The following ULK4 variants were observed in gnomAD, a reference collection of about 807,000 sequenced individuals.
ULK4 encodes inactive serine/threonine-protein kinase ULK4.
Under a neutral mutation model 160.6 loss-of-function variants are expected in ULK4, and 133 were observed. That is an observed-to-expected ratio of 0.83 (90% CI 0.72 to 0.96). The LOEUF (loss-of-function observed/expected upper bound fraction) is 0.96, where lower values mean the gene tolerates loss of function less well. ULK4 is among the 40% of genes least tolerant of loss of function. The pLI is 0.00. For synonymous variants in ULK4, 534 were observed against 539.8 expected, an observed-to-expected ratio of 0.99 and a Z score of 0.15; for missense variants, 1,580 against 1,499.5, an observed-to-expected ratio of 1.05 and a Z score of -0.89.
At chr3:41,752,862 C>T (rs546352954) in intron 22 of ULK4, among the ~76,000 whole-genome samples, 1 of 152,228 alleles carries the variant, frequency 6.6e-6, no homozygotes, top group East Asian at 1.9e-4. Flanking sequence ...CCCTAACAGA[C>T]CTGTATTACA....
At chr3:41,515,589 A>C (rs372909090) in intron 32 of ULK4, among the ~76,000 whole-genome samples, 3 of 152,200 alleles carry the variant, frequency 2.0e-5, no homozygotes, top group African/African-American at 7.2e-5. Flanking sequence ...TCCAATCATG[A>C]CAGAATGGGA....
Position 41,804,539 on chromosome 3 carries a change from A to G in ULK4, c.1849-4246T>C, listed in dbSNP as rs915535479. 5.4e-4 allele frequency among the ~76,000 whole-genome samples: 82 copies of G among 151,218 alleles called. 1 individual carries two copies. The highest frequency in any genetic ancestry group is 1.7e-3 in the African/African-American group (70 of 41,258). On this transcript the variant is annotated intron_variant, in intron 19 of 36. Transcript: ENST00000301831. ...TTGTTGCCATTGCTTTTGGTGTTTTAGACATGAAGTCCTTGCCCATGCCTA... is the reference window on the plus strand; with the variant it reads ...TTGTTGCCATTGCTTTTGGTGTTTTGGACATGAAGTCCTTGCCCATGCCTA...
intron 35 of ULK4, among the ~76,000 whole-genome samples, chr3:41,368,161 C>T (rs1399432721): frequency 6.6e-6 from 1 of 151,960 alleles, no homozygotes; most frequent in Non-Finnish European, 1.5e-5. Flanking sequence ...CATTCTCCTG[C>T]CTCAGCCTCC....
intron 27 of ULK4, among the ~76,000 whole-genome samples, chr3:41,698,378 C>CA (rs1559492719): frequency 1.3e-5 from 2 of 152,140 alleles, no homozygotes. Flanking sequence ...TCTCCCACCT[C>CA]AGCCTCCCAA....
At chr3:41,448,767 G>T in intron 34 of ULK4, among the ~76,000 whole-genome samples, 1 of 152,294 alleles carries the variant, frequency 6.6e-6, no homozygotes. Flanking sequence ...TTGATGAAAC[G>T]GGGCAGGATG....
chr3:41,506,769 T>TATATATATAAATATATATATAA (rs1559658060), intron 32 of ULK4, among the ~76,000 whole-genome samples: 1 of 31,616 alleles, frequency 3.2e-5, no homozygotes, highest in Non-Finnish European at 5.3e-5. Flanking sequence ...TGATTTAAAA[T>TATATATATAAATATATATATAA]ATATATATAT....
At chr3:41,509,718 C>A (rs139099794) in intron 32 of ULK4, among the ~76,000 whole-genome samples, 3 of 152,148 alleles carry the variant, frequency 2.0e-5, no homozygotes, top group African/African-American at 7.2e-5. Context: ...TTGTATCTGG[C>A]GAAACTAAGC....
intron 19 of ULK4, 86 bp downstream of exon 19, chr3:41,819,337 C>A: frequency 7.7e-7 from 1 of 1,291,758 alleles, no homozygotes; most frequent in Non-Finnish European, 1.1e-6. Context: ...CAAGCTCCTG[C>A]ACTGCTGCAG....
At chr3:41,294,787 G>GA (rs749273527) in intron 35 of ULK4, among the ~76,000 whole-genome samples, 1 of 152,068 alleles carries the variant, frequency 6.6e-6, no homozygotes. Context: ...TCTGATGAAT[G>GA]AAATTTAAAA....
chr3:41,775,617 T>G (rs1391812960), intron 21 of ULK4, among the ~76,000 whole-genome samples: 2 of 150,594 alleles, frequency 1.3e-5, no homozygotes, highest in Admixed American at 1.3e-4. Context: ...CAGGCTGGTC[T>G]TGAACTCCTG....
At chr3:41,710,924 A>G (rs2037074226) in intron 25 of ULK4, among the ~76,000 whole-genome samples, 1 of 152,138 alleles carries the variant, frequency 6.6e-6, no homozygotes, top group Admixed American at 6.6e-5. Flanking sequence ...ATTAAGTCTC[A>G]CAGGAGCTGA....
chr3:41,445,143 A>C (rs904989714), intron 34 of ULK4, among the ~76,000 whole-genome samples: 3 of 152,216 alleles, frequency 2.0e-5, no homozygotes, highest in African/African-American at 2.4e-5. Flanking sequence ...AAAGGATAAA[A>C]TACTTAGGAA....
At chr3:41,675,037 C>T (rs775782168) in intron 29 of ULK4, among the ~76,000 whole-genome samples, 14 of 151,932 alleles carry the variant, frequency 9.2e-5, no homozygotes, top group Admixed American at 2.6e-4. Flanking sequence ...GTCAAGAGAT[C>T]GAGACCATCC....
At chr3:41,907,988 T>G in intron 11 of ULK4, 47 bp from the exon 12 acceptor site, 2 of 1,400,648 alleles carry the variant, frequency 1.4e-6, no homozygotes, top group Non-Finnish European at 1.9e-6. Context: ...AGACAGTTTA[T>G]TCTCTGTTTA....
intron 30 of ULK4, among the ~76,000 whole-genome samples, chr3:41,647,785 C>A (rs2034571247): frequency 6.6e-6 from 1 of 152,216 alleles, no homozygotes; most frequent in Admixed American, 6.5e-5. Context: ...TTTGTCTGTG[C>A]CCTGCCCCCA....
At chr3:41,575,524 A>G (rs183680788) in intron 31 of ULK4, among the ~76,000 whole-genome samples, 11 of 152,304 alleles carry the variant, frequency 7.2e-5, no homozygotes, top group African/African-American at 2.6e-4. Flanking sequence ...CTTCTTTTAT[A>G]TGGGGCATCA....
At chr3:41,530,346 T>C (rs1239085036) in intron 32 of ULK4, among the ~76,000 whole-genome samples, 1 of 152,136 alleles carries the variant, frequency 6.6e-6, no homozygotes, top group African/African-American at 2.4e-5. Context: ...TGAGACGAAA[T>C]GTCCGGGACC....
chr3:41,264,501 G>A (rs1226687060), intron 35 of ULK4, among the ~76,000 whole-genome samples: 1 of 152,216 alleles, frequency 6.6e-6, no homozygotes, highest in African/African-American at 2.4e-5. Flanking sequence ...ACGCATTTTA[G>A]ACCCTCTCTT....
chr3:41,814,884 T>C (rs1005561695), intron 19 of ULK4, among the ~76,000 whole-genome samples: 2 of 151,630 alleles, frequency 1.3e-5, no homozygotes, highest in East Asian at 1.9e-4. Flanking sequence ...TGTCTTTTCA[T>C]ACTGTTTATT....
Sources: gnomAD v4.1 joint callset for allele counts (sites outside exome capture counted in the v4.1 genomes callset) on GRCh38, gnomAD v4.1.1 for gene constraint, MANE v1.5 for transcripts, NCBI Gene and HGNC (gene_info 2026-07-23, HGNC 2026-07-21) for gene names.